Variants in ARMC2 observed in about 807,000 individuals in gnomAD.
ARMC2 encodes armadillo repeat-containing protein 2.
Under a neutral mutation model 90.3 loss-of-function variants are expected in ARMC2, and 67 were observed. The ratio of observed to expected loss-of-function variants is 0.74; its 90% confidence interval spans 0.61 to 0.91. The LOEUF (loss-of-function observed/expected upper bound fraction) is 0.91. Among genes scored for constraint, ARMC2 ranks in the 40% least tolerant of loss-of-function variants. The pLI, the probability that ARMC2 is intolerant of heterozygous loss-of-function variation, is 0.00. For missense variants in ARMC2, 920 were observed against 1,030.9 expected (o/e 0.89, Z 1.47); for synonymous variants, 393 against 393.0 (o/e 1.00, Z 0.00).
At chr6:108,876,105 G>C (rs760695893) in intron 4 of ARMC2, 38 bp from the exon 5 acceptor site, 48 of 1,488,180 alleles carry the variant, frequency 3.2e-5, no homozygotes, top group Middle Eastern at 2.2e-4. Context: ...CCTAAAATAA[G>C]AATACTTCAA....
At chr6:108,927,547 G>A (rs1775199376) in intron 10 of ARMC2, among the ~76,000 whole-genome samples, 1 of 141,322 alleles carries the variant, frequency 7.1e-6, no homozygotes, top group Non-Finnish European at 1.5e-5. Flanking sequence ...TAGCTTTCCT[G>A]AATTTTTTTT....
At chr6:108,973,243 C>T (rs117634364) in intron 17 of ARMC2, 114 bp from the exon 18 acceptor site, 23 of 716,830 alleles carry the variant, frequency 3.2e-5, no homozygotes, top group Non-Finnish European at 4.7e-5. Flanking sequence ...TCTTGTGTTA[C>T]GTTGGTATTA....
intron 5 of ARMC2, among the ~76,000 whole-genome samples, chr6:108,879,196 C>T (rs1777240748): frequency 6.6e-6 from 1 of 150,540 alleles, no homozygotes; most frequent in African/African-American, 2.4e-5. Flanking sequence ...ATCCACCTAT[C>T]CATCTGTCTA....
intron 15 of ARMC2, among the ~76,000 whole-genome samples, chr6:108,962,831 C>A (rs1278299714): frequency 6.6e-6 from 1 of 152,038 alleles, no homozygotes; most frequent in African/African-American, 2.4e-5. Context: ...ATAGTGAGAA[C>A]CTGTCTCTAC....
intron 11 of ARMC2, 44 bp downstream of exon 11, chr6:108,928,277 G>A (rs200548307): frequency 2.1e-6 from 3 of 1,420,336 alleles, no homozygotes; most frequent in Non-Finnish European, 2.8e-6. Context: ...AAATGCTAAT[G>A]CTTAGATTTG....
chr6:108,923,204 T>C (rs148523626), intron 10 of ARMC2, among the ~76,000 whole-genome samples: 2 of 152,310 alleles, frequency 1.3e-5, no homozygotes, highest in East Asian at 3.9e-4. Flanking sequence ...AAGACTTTTT[T>C]TAAGTAAGGG....
intron 11 of ARMC2, among the ~76,000 whole-genome samples, chr6:108,932,181 T>C (rs969939181): frequency 6.6e-6 from 1 of 152,028 alleles, no homozygotes; most frequent in African/African-American, 2.4e-5. Context: ...TCTCCAATTC[T>C]GTAGGTTGTC....
intron 12 of ARMC2, among the ~76,000 whole-genome samples, chr6:108,947,437 G>A (rs909422033): frequency 6.6e-6 from 1 of 152,174 alleles, no homozygotes; most frequent in Non-Finnish European, 1.5e-5. Context: ...GGGTAAAAAT[G>A]TCTTTCATTG....
At chr6:108,884,984 T>G (rs943919143) in intron 5 of ARMC2, among the ~76,000 whole-genome samples, 1 of 152,180 alleles carries the variant, frequency 6.6e-6, no homozygotes, top group African/African-American at 2.4e-5. Context: ...CTCCCTGTAC[T>G]GAACGAAATC....
chr6:108,913,361 T>C (rs1773629188), intron 10 of ARMC2, among the ~76,000 whole-genome samples: 1 of 152,210 alleles, frequency 6.6e-6, no homozygotes, highest in Non-Finnish European at 1.5e-5. Flanking sequence ...GCCTTCAAGA[T>C]GCTTAAAATA....
At chr6:108,884,361 T>C (rs1324392461) in intron 5 of ARMC2, among the ~76,000 whole-genome samples, 1 of 152,182 alleles carries the variant, frequency 6.6e-6, no homozygotes, top group Admixed American at 6.5e-5. Flanking sequence ...GATCTCCAAG[T>C]GCTTTGAATG....
chr6:108,924,576 C>T (rs1774934044), intron 10 of ARMC2, among the ~76,000 whole-genome samples: 1 of 152,202 alleles, frequency 6.6e-6, no homozygotes, highest in African/African-American at 2.4e-5. Context: ...CGGAGGAAGC[C>T]GCCTATTCAA....
chr6:108,859,742 C>A (rs1775016966), intron 3 of ARMC2, among the ~76,000 whole-genome samples: 1 of 152,130 alleles, frequency 6.6e-6, no homozygotes. Context: ...TGGTGGCTCA[C>A]GCCTGTAATC....
At chr6:108,961,428 G>A (rs1777989698) in intron 13 of ARMC2, 144 bp from the exon 14 acceptor site, 1 of 768,396 alleles carries the variant, frequency 1.3e-6, no homozygotes, top group Non-Finnish European at 1.9e-6. Flanking sequence ...GGGAAATCAA[G>A]TGGTAAAGGT....
intron 10 of ARMC2, among the ~76,000 whole-genome samples, chr6:108,918,624 C>T (rs1020875584): frequency 7.9e-5 from 12 of 152,124 alleles, no homozygotes; most frequent in African/African-American, 1.2e-4. Context: ...GGCCCAGTGC[C>T]GCCACCCTGC....
At chr6:108,871,955 A>C (rs574629672) in intron 4 of ARMC2, among the ~76,000 whole-genome samples, 1 of 152,216 alleles carries the variant, frequency 6.6e-6, no homozygotes, top group Admixed American at 6.5e-5. Flanking sequence ...AGTCATTGTT[A>C]TTTTAAAAGC....
intron 12 of ARMC2, among the ~76,000 whole-genome samples, chr6:108,947,780 A>G (rs1776903868): frequency 6.6e-6 from 1 of 152,170 alleles, no homozygotes. Context: ...TGTTTTAAGC[A>G]AAATTAGAAA....
At chr6:108,977,978 T>A (rs1779017942), downstream of ARMC2, among the ~76,000 whole-genome samples, 1 of 152,186 alleles carries the variant, frequency 6.6e-6, no homozygotes, top group Admixed American at 6.5e-5. Context: ...TTTTGAAGGT[T>A]TTTTTATGTC....
chr6:108,870,567 GA>G, intron 4 of ARMC2, among the ~76,000 whole-genome samples: 1 of 149,642 alleles, frequency 6.7e-6, no homozygotes, highest in South Asian at 2.1e-4. Flanking sequence ...GAGGGAAGGA[GA>G]GAGGGAAGGA....
Sources: gnomAD v4.1 joint callset for allele counts (sites outside exome capture counted in the v4.1 genomes callset) on GRCh38, gnomAD v4.1.1 for gene constraint, MANE v1.5 for transcripts, NCBI Gene and HGNC (gene_info 2026-07-23, HGNC 2026-07-21) for gene names.